Variants in RNF19A observed in about 807,000 individuals in gnomAD.
The protein encoded by RNF19A is ring finger protein 19A, RBR E3 ubiquitin protein ligase.
RNF19A carries 32 observed loss-of-function variants against 75.7 expected under a neutral mutation model. That is an observed-to-expected ratio of 0.42 (90% CI 0.32 to 0.57). The LOEUF (loss-of-function observed/expected upper bound fraction) is 0.57. Among genes scored for constraint, RNF19A ranks in the 20% least tolerant of loss-of-function variants. The pLI, the probability that RNF19A is intolerant of heterozygous loss-of-function variation, is 0.10. For missense variants in RNF19A, 782 were observed against 1,036.3 expected (o/e 0.75, Z 3.37); for synonymous variants, 335 against 345.2 (o/e 0.97, Z 0.33).
At chr8:100,334,345 G>A (rs1822648092) in intron 1 of RNF19A, among the ~76,000 whole-genome samples, 1 of 152,150 alleles carries the variant, frequency 6.6e-6, no homozygotes, top group African/African-American at 2.4e-5. Context: ...TTTCCACACA[G>A]TGCTGAGCAG....
chr8:100,298,893 G>A (rs1034975739), intron 1 of RNF19A, among the ~76,000 whole-genome samples: 2 of 152,110 alleles, frequency 1.3e-5, no homozygotes, highest in Admixed American at 6.6e-5. Flanking sequence ...ACACCATTAG[G>A]AAAACCACAG....
At chr8:100,290,328 C>T (rs1788202) in intron 1 of RNF19A, among the ~76,000 whole-genome samples, 49,163 of 152,008 alleles carry the variant, frequency 0.32, 8,621 homozygotes, top group East Asian at 0.41. Flanking sequence ...CCTCGAACTC[C>T]TGACCTCAAG....
intron 1 of RNF19A, chr8:100,303,170 G>C (rs1004490539): frequency 1.3e-5 from 2 of 152,312 alleles, no homozygotes; most frequent in Admixed American, 1.3e-4. Flanking sequence ...AGTTCTGGAG[G>C]CCAGAAGTCC....
chr8:100,295,046 T>G (rs1016576553), intron 1 of RNF19A, among the ~76,000 whole-genome samples: 1 of 152,196 alleles, frequency 6.6e-6, no homozygotes, highest in Non-Finnish European at 1.5e-5. Flanking sequence ...GTGAACAAAA[T>G]AGACAAGGTC....
In RNF19A at chr8:100,261,411, T is replaced by G. The variant is rs140187487; in HGVS notation, c.1682+131A>C. 335 of 840,294 alleles carry G rather than the reference T, an allele frequency of 4.0e-4. 1 individual carries two copies. In the African/African-American group the frequency reaches 4.9e-3, roughly 12 times the overall value. The allele number at this position is 840,294 out of a possible 1,614,324, so 52.1% of individuals were successfully genotyped here. ...CTGCACCTGGCCCCAAATTTCATTTTTAACATTACTATTTTGAACCTTGAC... is the reference window on the plus strand; with the variant it reads ...CTGCACCTGGCCCCAAATTTCATTTGTAACATTACTATTTTGAACCTTGAC... On this transcript the variant is annotated intron_variant, in intron 8 of 9. Coordinates refer to ENST00000341084, the MANE Select transcript of RNF19A (RefSeq NM_183419.4). The surrounding 1 kb of genome is among the most constrained non-coding windows in gnomAD (Gnocchi z 4.4).
intron 1 of RNF19A, among the ~76,000 whole-genome samples, chr8:100,327,631 T>G (rs1822553370): frequency 6.6e-6 from 1 of 152,238 alleles, no homozygotes; most frequent in East Asian, 1.9e-4. Context: ...ATGACTTTAT[T>G]GTGGTCATAA....
intron 3 of RNF19A, among the ~76,000 whole-genome samples, chr8:100,272,144 A>G (rs999343793): frequency 1.3e-5 from 2 of 152,222 alleles, no homozygotes; most frequent in African/African-American, 4.8e-5. Context: ...TTTGCATAAA[A>G]TGGGAAAACT....
At position 100,287,848 on chromosome 8, in the gene RNF19A, G is replaced by C; in HGVS notation, c.327C>G (p.Phe109Leu). 1 of 1,614,174 alleles carries C rather than the reference G, an allele frequency of 6.2e-7. No individual in the cohort carries two copies. Among genetic ancestry groups the C allele is most frequent in the Non-Finnish European group, 8.5e-7 (1 of 1,180,000 alleles). The change falls in exon 2 of 10, where the codon TTC becomes TTG. Residue 109 changes from phenylalanine (F) to leucine (L), a missense_variant. By Grantham distance (22) the Phe-to-Leu change is conservative. Around this residue, in one of 7 missense-constraint regions of RNF19A, gnomAD observed 148 missense variants for 147.9 expected, o/e 1.00. Coordinates refer to ENST00000341084, the MANE Select transcript of RNF19A (RefSeq NM_183419.4). This position sits in a 1 kb window ranked among gnomAD's most constrained non-coding sequence, Gnocchi z 4.1. ...SEMCTDKNSI[F>L]STNTSSDNGL... Reference sequence around the variant, plus strand: ...CATTGTCAGAAGAGGTATTTGTAGAGAAAATGGAGTTCTTATCAGTACACA... The same window carrying C: ...CATTGTCAGAAGAGGTATTTGTAGACAAAATGGAGTTCTTATCAGTACACA...
chr8:100,285,631 T>C (rs1820980370), intron 2 of RNF19A, among the ~76,000 whole-genome samples: 1 of 151,974 alleles, frequency 6.6e-6, no homozygotes, highest in Non-Finnish European at 1.5e-5. Context: ...TTTATCATTG[T>C]CAGAATTTTT....
chr8:100,331,692 G>A lies in RNF19A; in HGVS notation c.-243+4416C>T, dbSNP rs962840132. ...AAAATTTGAAAGGAATAAAAGGGTAGAGTGAAAGTCTCTTTTTAAATTCTA... is the reference window on the plus strand; with the variant it reads ...AAAATTTGAAAGGAATAAAAGGGTAAAGTGAAAGTCTCTTTTTAAATTCTA... On this transcript the variant is annotated intron_variant, in intron 1 of 3. Coordinates refer to the RNF19A transcript ENST00000519527. This position sits in a 1 kb window ranked among gnomAD's most constrained non-coding sequence, Gnocchi z 5.2. 2.2e-4 allele frequency among the ~76,000 whole-genome samples: 33 copies of A among 152,110 alleles called. No homozygotes were observed. The highest frequency in any genetic ancestry group is 7.7e-4 in the African/African-American group (32 of 41,414).
intron 1 of RNF19A, chr8:100,309,467 G>A: frequency 7.1e-6 from 7 of 985,498 alleles, no homozygotes; most frequent in South Asian, 4.7e-5. Flanking sequence ...ACCGCCCTTG[G>A]GTCTCCCCCG....
intron 2 of RNF19A, among the ~76,000 whole-genome samples, chr8:100,281,130 C>A (rs1820763628): frequency 6.6e-6 from 1 of 152,150 alleles, no homozygotes; most frequent in Admixed American, 6.5e-5. Context: ...CTTCTCTATC[C>A]TTCAGCTGAA....
intron 1 of RNF19A, among the ~76,000 whole-genome samples, chr8:100,291,021 G>A (rs1002357227): frequency 3.9e-5 from 6 of 152,148 alleles, no homozygotes; most frequent in African/African-American, 1.4e-4. Context: ...GGGTAGAGAA[G>A]GCTGAATGAG....
At chr8:100,319,305 T>C (rs566636013) in intron 1 of RNF19A, among the ~76,000 whole-genome samples, 4 of 133,420 alleles carry the variant, frequency 3.0e-5, no homozygotes, top group African/African-American at 1.0e-4. Context: ...AGGATGAAAG[T>C]TTTTTTCTTT....
In RNF19A at chr8:100,322,077, C is replaced by G. The variant is rs1275791373; in HGVS notation, c.-242-8705G>C. 1.3e-5 allele frequency among the ~76,000 whole-genome samples: 2 copies of G among 152,174 alleles called. No individual in the cohort carries two copies. The highest frequency in any genetic ancestry group is 4.8e-5 in the African/African-American group (2 of 41,436). On this transcript the variant is annotated intron_variant, in intron 1 of 3. Transcript: ENST00000519527. The surrounding 1 kb of genome is among the most constrained non-coding windows in gnomAD (Gnocchi z 5.1). ...TTGTGGAATGGTAAATGAACACTGG[C>G]TTCAACATAAAGTCACCCCTGCATT...
chr8:100,309,287 C>A, intron 1 of RNF19A: 1 of 984,734 alleles, frequency 1.0e-6, no homozygotes, highest in South Asian at 4.7e-5. Context: ...TGGTAGCAGT[C>A]CCGGACTAAC....
chr8:100,265,991 G>A (rs1819956810), intron 5 of RNF19A, among the ~76,000 whole-genome samples: 1 of 152,218 alleles, frequency 6.6e-6, no homozygotes, highest in Admixed American at 6.5e-5. Flanking sequence ...CTGAAGAAGA[G>A]AAAAGGCACA....
chr8:100,310,069 G>A, upstream of RNF19A: 2 of 985,502 alleles, frequency 2.0e-6, no homozygotes, highest in South Asian at 4.7e-5. Context: ...TGGCTCGACG[G>A]CTGCTCCCGG....
rs1226395743 is a variant in RNF19A, at chr8:100,323,504, C to G, written c.-242-10132G>C. Among the ~76,000 whole-genome samples, 1 of 152,194 alleles carries G rather than the reference C, an allele frequency of 6.6e-6. No individual in the cohort carries two copies. Among genetic ancestry groups the G allele is most frequent in the Non-Finnish European group, 1.5e-5 (1 of 68,036 alleles). ...TTCTGCCATCCATTCTTAGAATTGTCACATTAACTGCACGTATGCTAGCCA... is the reference window on the plus strand; with the variant it reads ...TTCTGCCATCCATTCTTAGAATTGTGACATTAACTGCACGTATGCTAGCCA... On this transcript the variant is annotated intron_variant, in intron 1 of 3. Coordinates refer to the RNF19A transcript ENST00000519527. This position sits in a 1 kb window ranked among gnomAD's most constrained non-coding sequence, Gnocchi z 4.6.
Sources: allele counts gnomAD v4.1 joint callset (sites outside exome capture counted in the v4.1 genomes callset), GRCh38; gene constraint gnomAD v4.1.1; regional missense constraint gnomAD v4.1.1; non-coding constraint Gnocchi (gnomAD v3.1); transcripts MANE v1.5; gene names NCBI Gene and HGNC (gene_info 2026-07-23, HGNC 2026-07-21).